Variants in SNX29 observed in about 807,000 individuals in gnomAD.
SNX29 encodes the protein sorting nexin 29, also known as sorting nexin-29.
A neutral mutation model predicts 102.1 loss-of-function variants in SNX29; 78 were observed. The ratio of observed to expected loss-of-function variants is 0.76; its 90% confidence interval spans 0.64 to 0.92. The LOEUF (loss-of-function observed/expected upper bound fraction) is 0.92, where lower values mean the gene tolerates loss of function less well. SNX29 is among the 40% of genes least tolerant of loss of function. SNX29 has a pLI of 0.00. For synonymous variants in SNX29, 580 were observed against 414.5 expected (o/e 1.40, Z -4.85); for missense variants, 1,280 against 1,061.7 (o/e 1.21, Z -2.86).
At chr16:12,559,645 A>T (rs1350935689) in intron 20 of SNX29, among the ~76,000 whole-genome samples, 5 of 152,048 alleles carry the variant, frequency 3.3e-5, no homozygotes, top group African/African-American at 7.2e-5. Context: ...ATCCAAATGT[A>T]AGCCACATTC....
chr16:12,152,199 C>T (rs1374317053), intron 13 of SNX29, among the ~76,000 whole-genome samples: 2 of 151,810 alleles, frequency 1.3e-5, no homozygotes, highest in Non-Finnish European at 2.9e-5. Context: ...CCAGCCTGGG[C>T]AGCAAAGCAA....
At chr16:12,301,730 G>A (rs1308471180) in intron 15 of SNX29, among the ~76,000 whole-genome samples, 1 of 152,228 alleles carries the variant, frequency 6.6e-6, no homozygotes, top group Non-Finnish European at 1.5e-5. Context: ...GATGGACTCT[G>A]CATGAGATAG....
chr16:12,542,749 C>G (rs548300748), intron 20 of SNX29, among the ~76,000 whole-genome samples: 84 of 151,226 alleles, frequency 5.6e-4, no homozygotes, highest in African/African-American at 1.9e-3. Context: ...AAGCACTAGA[C>G]TATCACTGCC....
chr16:12,251,292 G>T (rs1402820292), intron 14 of SNX29, among the ~76,000 whole-genome samples: 2 of 152,214 alleles, frequency 1.3e-5, no homozygotes, highest in Non-Finnish European at 2.9e-5. Flanking sequence ...TAGAACAGCA[G>T]AAAAAACTGC....
At chr16:12,526,304 T>TCCTGTCTGTGGGGTGTGCC (rs1026054509) in intron 20 of SNX29, among the ~76,000 whole-genome samples, 4 of 152,080 alleles carry the variant, frequency 2.6e-5, no homozygotes, top group African/African-American at 9.7e-5. Context: ...TGGGGTGTGC[T>TCCTGTCTGTGGGGTGTGCC]CCTGTCTGTG....
chr16:12,550,970 C>T (rs963761508), intron 20 of SNX29, among the ~76,000 whole-genome samples: 1 of 152,096 alleles, frequency 6.6e-6, no homozygotes, highest in Non-Finnish European at 1.5e-5. Flanking sequence ...GGGCTTAGGG[C>T]ACAACAAAAA....
chr16:12,448,077 G>A (rs993121646), intron 18 of SNX29, among the ~76,000 whole-genome samples: 2 of 152,146 alleles, frequency 1.3e-5, no homozygotes, highest in Non-Finnish European at 1.5e-5. Context: ...GTCTCGCAGT[G>A]GCCCCACCAG....
chr16:12,559,319 GCC>G (rs1182269122), intron 20 of SNX29, among the ~76,000 whole-genome samples: 1 of 151,846 alleles, frequency 6.6e-6, no homozygotes, highest in African/African-American at 2.4e-5. Flanking sequence ...ATTGTGAACT[GCC>G]CATGTGAGGG....
rs370561834 is a variant in SNX29 at position 12,570,320 on chromosome 16, G to C, written c.*1691G>C. On this transcript the variant is annotated 3_prime_UTR_variant, in exon 21 of 21. Coordinates refer to ENST00000566228, the MANE Select transcript of SNX29 (RefSeq NM_032167.5). ...TGGAGGACCCGAGACATCCTGTAAA[G>C]GCAACTTGGTCTCCCTCCCACTCAC... is the stretch of plus-strand genomic sequence containing the variant. The C allele has an allele frequency of 3.1e-6, 3 of 962,056 alleles. No individual in the cohort carries two copies. In the East Asian group the frequency reaches 1.5e-4, roughly 49 times the overall value. 59.6% of individuals were successfully genotyped at this position (962,056 alleles called of 1,614,324 possible).
chr16:12,070,516 T>G (rs1195461578), intron 10 of SNX29, among the ~76,000 whole-genome samples: 2 of 152,044 alleles, frequency 1.3e-5, no homozygotes, highest in Non-Finnish European at 2.9e-5. Flanking sequence ...CTCATCATTT[T>G]TTATGGCTGC....
At chr16:12,129,056 C>A (rs1596994114) in intron 12 of SNX29, among the ~76,000 whole-genome samples, 1 of 152,160 alleles carries the variant, frequency 6.6e-6, no homozygotes, top group Admixed American at 6.5e-5. Context: ...ATCTCAGATG[C>A]TTTAGTGATA....
chr16:12,401,359 A>T (rs1170439799), intron 17 of SNX29, among the ~76,000 whole-genome samples: 63 of 101,492 alleles, frequency 6.2e-4, no homozygotes, highest in Admixed American at 1.8e-3. Flanking sequence ...ATAGAGTTAA[A>T]TTTTTTTTTT....
At chr16:12,542,760 T>C (rs2077399742) in intron 20 of SNX29, among the ~76,000 whole-genome samples, 1 of 121,320 alleles carries the variant, frequency 8.2e-6, no homozygotes. Context: ...TATCACTGCC[T>C]TTTTTTTTTT....
At chr16:12,287,134 C>T (rs998692152) in intron 15 of SNX29, among the ~76,000 whole-genome samples, 2 of 152,204 alleles carry the variant, frequency 1.3e-5, no homozygotes, top group African/African-American at 4.8e-5. Context: ...TGGATGTGCC[C>T]TTTGCTTGGC....
chr16:12,089,880 A>C (rs1417577325), intron 11 of SNX29: 3 of 361,168 alleles, frequency 8.3e-6, no homozygotes, highest in Admixed American at 7.7e-5. Flanking sequence ...TTGTACAGGC[A>C]GTGCTGAGGG....
intron 19 of SNX29, among the ~76,000 whole-genome samples, chr16:12,496,335 G>T (rs1436392922): frequency 3.3e-5 from 5 of 152,070 alleles, no homozygotes; most frequent in African/African-American, 1.2e-4. Flanking sequence ...ACCCATGCCT[G>T]CAGCTCAGGG....
chr16:12,246,213 C>T (rs2078255576), intron 14 of SNX29, among the ~76,000 whole-genome samples: 1 of 152,198 alleles, frequency 6.6e-6, no homozygotes, highest in Non-Finnish European at 1.5e-5. Flanking sequence ...TCTCAGGAAG[C>T]AAGAGGGTGC....
intron 11 of SNX29, among the ~76,000 whole-genome samples, chr16:12,105,191 TCCTTCCTC>T (rs1384553525): frequency 2.0e-5 from 3 of 149,188 alleles, no homozygotes; most frequent in East Asian, 2.0e-4. Flanking sequence ...TTTATTTCCT[TCCTTCCTC>T]CCTTCCTCCC....
At chr16:12,010,896 AC>A (rs1453468644) in intron 3 of SNX29, among the ~76,000 whole-genome samples, 5 of 152,292 alleles carry the variant, frequency 3.3e-5, no homozygotes, top group African/African-American at 1.2e-4. Context: ...CAGAGGACTT[AC>A]GAAACGGAAT....
Sources: gnomAD v4.1 joint callset for allele counts (sites outside exome capture counted in the v4.1 genomes callset) on GRCh38, gnomAD v4.1.1 for gene constraint, MANE v1.5 for transcripts, NCBI Gene and HGNC (gene_info 2026-07-23, HGNC 2026-07-21) for gene names.